SORBS2: variants seen among roughly 807,000 people sequenced by gnomAD.
SORBS2 encodes sorbin and SH3 domain containing 2, also known as sorbin and SH3 domain-containing protein 2.
Under a neutral mutation model 97.7 loss-of-function variants are expected in SORBS2, and 46 were observed. The ratio of observed to expected loss-of-function variants is 0.47; its 90% confidence interval spans 0.37 to 0.60. SORBS2 has a LOEUF of 0.60. Ranked by LOEUF, SORBS2 falls within the 20% of genes least tolerant of loss-of-function variation. The pLI is 0.00. For missense variants in SORBS2, 1,316 were observed against 1,282.3 expected, an observed-to-expected ratio of 1.03 and a Z score of -0.40; for synonymous variants, 476 against 473.4, an observed-to-expected ratio of 1.01 and a Z score of -0.07.
intron 1 of SORBS2, among the ~76,000 whole-genome samples, chr4:185,940,484 G>A (rs1053665682): frequency 1.3e-5 from 2 of 152,026 alleles, no homozygotes; most frequent in Admixed American, 1.3e-4. Flanking sequence ...TCCTGTCCAA[G>A]CCCCCCTCAT....
At chr4:185,948,432 A>T (rs913402757) in intron 1 of SORBS2, among the ~76,000 whole-genome samples, 9 of 151,460 alleles carry the variant, frequency 5.9e-5, no homozygotes, top group Non-Finnish European at 1.3e-4. Context: ...TATGATAATC[A>T]CTGGTTTCCA....
In SORBS2 at chr4:185,624,171, C is replaced by T. The variant is rs764340213; in HGVS notation, c.958G>A (p.Glu320Lys). The T allele has an allele frequency of 3.7e-6, 6 of 1,614,248 alleles. No homozygotes were observed. The Admixed American group carries it at 6.7e-5, about 18-fold the overall frequency. ...GACCCCCACGCCATGGGGCAGCTCTCCTTGGAGTCCTCCTCACATAACAGG... is the reference window on the plus strand; with the variant it reads ...GACCCCCACGCCATGGGGCAGCTCTTCTTGGAGTCCTCCTCACATAACAGG... Residue 320 changes from glutamate (E) to lysine (K), a missense_variant, in exon 7 of 15, where the codon GAG (glutamate) becomes AAG (lysine). Coordinates refer to ENST00000418609, the Ensembl canonical transcript of SORBS2.
At chr4:185,862,980 A>G (rs191787332) in intron 1 of SORBS2, among the ~76,000 whole-genome samples, 1 of 152,074 alleles carries the variant, frequency 6.6e-6, no homozygotes, top group Non-Finnish European at 1.5e-5. Context: ...TCTAGTGCCT[A>G]CCTCTATGCC....
intron 1 of SORBS2, among the ~76,000 whole-genome samples, chr4:185,828,445 G>A (rs1388027285): frequency 6.6e-6 from 1 of 152,004 alleles, no homozygotes; most frequent in Non-Finnish European, 1.5e-5. Context: ...ATGAGGGATT[G>A]TAGCATCCAC....
chr4:185,707,877 C>T (rs2098368710), intron 2 of SORBS2, among the ~76,000 whole-genome samples: 1 of 152,194 alleles, frequency 6.6e-6, no homozygotes, highest in African/African-American at 2.4e-5. Flanking sequence ...TTACCTCCCA[C>T]CGGATCCCTC....
chr4:185,676,634 AG>A (rs201128718), intron 4 of SORBS2, among the ~76,000 whole-genome samples: 2,426 of 152,340 alleles, frequency 0.016, 64 homozygotes, highest in African/African-American at 0.056. Flanking sequence ...AAGTGCAAAA[AG>A]ATCTAATATG....
chr4:185,855,813 A>T (rs1561238522), intron 1 of SORBS2, among the ~76,000 whole-genome samples: 1 of 152,184 alleles, frequency 6.6e-6, no homozygotes, highest in East Asian at 1.9e-4. Flanking sequence ...TGTCATTTAC[A>T]TCTGGGACCC....
chr4:185,602,104 G>A (rs1220183170), intron 12 of SORBS2, among the ~76,000 whole-genome samples: 2 of 151,552 alleles, frequency 1.3e-5, no homozygotes, highest in East Asian at 1.9e-4. Context: ...TCTGCCTCCC[G>A]GGTTCAAGCA....
chr4:185,932,318 G>T (rs2099266911), intron 1 of SORBS2, among the ~76,000 whole-genome samples: 1 of 151,662 alleles, frequency 6.6e-6, no homozygotes. Flanking sequence ...AGGGTAGAGA[G>T]TAGGGTGTTA....
At chr4:185,624,691 A>G (rs1389459549) in intron 6 of SORBS2, among the ~76,000 whole-genome samples, 197 bp from the exon 19 acceptor site, 1 of 152,236 alleles carries the variant, frequency 6.6e-6, no homozygotes, top group Non-Finnish European at 1.5e-5. Flanking sequence ...AAGCGAGCTA[A>G]TACTTTTTCA....
intron 1 of SORBS2, among the ~76,000 whole-genome samples, chr4:185,910,826 A>T (rs759022228): frequency 2.1e-4 from 32 of 152,204 alleles, no homozygotes; most frequent in Non-Finnish European, 4.3e-4. Flanking sequence ...ATATATGAGA[A>T]ATAAAATATT....
intron 2 of SORBS2, among the ~76,000 whole-genome samples, chr4:185,738,688 C>G (rs763395896): frequency 9.9e-5 from 15 of 152,152 alleles, no homozygotes; most frequent in Non-Finnish European, 1.9e-4. Flanking sequence ...ATAGAAAAAG[C>G]ATCCGAAACA....
At chr4:185,828,650 G>A (rs530136049) in intron 1 of SORBS2, among the ~76,000 whole-genome samples, 8 of 152,146 alleles carry the variant, frequency 5.3e-5, no homozygotes, top group South Asian at 2.1e-4. Context: ...CTCGCCCACC[G>A]ATCACAGCAA....
chr4:185,878,280 T>C (rs1045950294), intron 1 of SORBS2, among the ~76,000 whole-genome samples: 4 of 152,176 alleles, frequency 2.6e-5, no homozygotes, highest in African/African-American at 9.7e-5. Context: ...CGTGAAAAAG[T>C]AAGCATTAAC....
intron 1 of SORBS2, among the ~76,000 whole-genome samples, chr4:185,881,807 C>T (rs1352612092): frequency 6.6e-6 from 1 of 151,910 alleles, no homozygotes; most frequent in Admixed American, 6.6e-5. Context: ...AACAATGTAA[C>T]CAAAGCATTA....
At chr4:185,653,109 T>C (rs2097340444) in intron 1 of SORBS2, among the ~76,000 whole-genome samples, 1 of 152,234 alleles carries the variant, frequency 6.6e-6, no homozygotes, top group African/African-American at 2.4e-5. Flanking sequence ...CCTTAGATGC[T>C]TTTTATTGAA....
intron 4 of SORBS2, among the ~76,000 whole-genome samples, chr4:185,639,427 A>C (rs1164745636): frequency 1.3e-5 from 2 of 152,232 alleles, no homozygotes; most frequent in African/African-American, 4.8e-5. Flanking sequence ...TGTTGTTTTT[A>C]AGATGAAAAA....
intron 2 of SORBS2, among the ~76,000 whole-genome samples, chr4:185,691,869 CA>C (rs2098103209): frequency 1.3e-5 from 2 of 152,302 alleles, no homozygotes; most frequent in Admixed American, 1.3e-4. Context: ...CTCAGCCTCC[CA>C]AGTAGCTGGG....
At chr4:185,943,531 C>T (rs9998403) in intron 1 of SORBS2, among the ~76,000 whole-genome samples, 19,670 of 152,164 alleles carry the variant, frequency 0.13, 1,560 homozygotes, top group Middle Eastern at 0.24. Context: ...TACAATAAAG[C>T]AATCACACAA....
Sources: gnomAD v4.1 joint callset for allele counts (sites outside exome capture counted in the v4.1 genomes callset) on GRCh38, gnomAD v4.1.1 for gene constraint, MANE v1.5 for transcripts, NCBI Gene and HGNC (gene_info 2026-07-23, HGNC 2026-07-21) for gene names.